Variants in ANKFN1 observed in about 807,000 individuals in gnomAD.
ANKFN1 encodes ankyrin repeat and fibronectin type III domain containing 1, also known as ankyrin repeat and fibronectin type-III domain-containing protein 1.
ANKFN1 carries 74 observed loss-of-function variants against 108.7 expected under a neutral mutation model. The observed-to-expected ratio is 0.68, with a 90% CI of 0.56 to 0.83. The LOEUF (loss-of-function observed/expected upper bound fraction) is 0.83. Ranked by LOEUF, ANKFN1 falls within the 40% of genes least tolerant of loss-of-function variation. ANKFN1 has a pLI of 0.00. For missense variants in ANKFN1, 1,505 were observed against 1,382.3 expected (o/e 1.09, Z -1.41); for synonymous variants, 547 against 516.2 (o/e 1.06, Z -0.81).
At chr17:56,234,604 T>G (rs1418335752) in intron 3 of ANKFN1, among the ~76,000 whole-genome samples, 4 of 152,128 alleles carry the variant, frequency 2.6e-5, no homozygotes, top group Non-Finnish European at 5.9e-5. Flanking sequence ...CATGCAGTAT[T>G]TGGTTTTCTG....
intron 1 of ANKFN1, among the ~76,000 whole-genome samples, chr17:56,154,124 G>A (rs752941897): frequency 3.3e-5 from 5 of 151,998 alleles, no homozygotes; most frequent in East Asian, 1.9e-4. Flanking sequence ...GGGTTGTGTC[G>A]GTGGTATCGG....
intron 3 of ANKFN1, among the ~76,000 whole-genome samples, chr17:56,268,833 C>T (rs2043720861): frequency 6.6e-6 from 1 of 152,066 alleles, no homozygotes; most frequent in Non-Finnish European, 1.5e-5. Context: ...TTCCCTCTTT[C>T]TCAGTCTGCA....
chr17:56,117,207 C>G (rs1280772606), intron 4 of ANKFN1, among the ~76,000 whole-genome samples: 1 of 152,134 alleles, frequency 6.6e-6, no homozygotes, highest in Non-Finnish European at 1.5e-5. Flanking sequence ...TCCCCAGAGC[C>G]TGAAGTGGGG....
intron 8 of ANKFN1, among the ~76,000 whole-genome samples, chr17:56,386,328 G>C (rs1332387040): frequency 6.6e-6 from 1 of 151,982 alleles, no homozygotes; most frequent in East Asian, 1.9e-4. Context: ...TTGTGGGGTG[G>C]GGGGAGCGGG....
intron 3 of ANKFN1, among the ~76,000 whole-genome samples, chr17:56,325,434 T>C (rs528270298): frequency 1.3e-3 from 204 of 152,306 alleles, no homozygotes; most frequent in African/African-American, 4.7e-3. Flanking sequence ...AGGAAATCTA[T>C]TTGTGTCTTT....
intron 4 of ANKFN1, among the ~76,000 whole-genome samples, chr17:56,066,383 G>T (rs2143124313): frequency 6.6e-6 from 1 of 152,306 alleles, no homozygotes; most frequent in African/African-American, 2.4e-5. Flanking sequence ...CTGAGCATTT[G>T]TAATGTGGCC....
At chr17:56,417,571 A>T (rs1357116907) in intron 8 of ANKFN1, among the ~76,000 whole-genome samples, 2 of 152,200 alleles carry the variant, frequency 1.3e-5, no homozygotes. Flanking sequence ...CCCGAGTTTA[A>T]GGCACTGTGC....
intron 9 of ANKFN1, among the ~76,000 whole-genome samples, chr17:56,442,164 GAA>G (rs1455022003): frequency 5.9e-5 from 9 of 152,054 alleles, no homozygotes; most frequent in African/African-American, 2.2e-4. Context: ...CTTTAAAATT[GAA>G]GTCACATCAA....
rs1266011010 is a variant in ANKFN1 at position 56,510,721 on chromosome 17, TCATGTGC to T, written c.2895_2901del (p.Cys966SerfsTer6). 2 of 1,535,810 alleles carry T rather than the reference TCATGTGC, an allele frequency of 1.3e-6. No individual in the cohort carries two copies. The highest frequency in any genetic ancestry group is 4.9e-5 in the East Asian group (2 of 40,882). ...GGGCGAGGGCCCAAATCCCGATCAC[TCATGTGC>T]CGAGTTTCTCCATAGCCTGACCCTC... is the stretch of plus-strand genomic sequence containing the variant. On this transcript the variant is annotated frameshift_variant, in exon 21 of 21. Coordinates refer to ENST00000682825, the MANE Select transcript of ANKFN1 (RefSeq NM_001370326.1). LOFTEE classifies it low-confidence loss of function (END_TRUNC).
rs761621139 is a variant in ANKFN1 at position 56,510,468 on chromosome 17, C to T, written c.2645-5C>T. On this transcript the variant is annotated splice_region_variant and splice_polypyrimidine_tract_variant and intron_variant, in intron 20 of 20. Transcript: ENST00000682825. ...TTTTCCTAACCTCAGTTTCTGGCTT[C>T]GCAGATTCACAGCCCTGCTCTGATG... 3 of 1,533,436 alleles carry T rather than the reference C, an allele frequency of 2.0e-6. No individual in the cohort carries two copies. Among genetic ancestry groups the T allele is most frequent in the South Asian group, 2.4e-5 (2 of 83,756 alleles). 95.0% of individuals were successfully genotyped at this position (1,533,436 alleles called of 1,614,324 possible).
At chr17:56,365,216 A>C (rs2046627502) in intron 6 of ANKFN1, among the ~76,000 whole-genome samples, 1 of 152,202 alleles carries the variant, frequency 6.6e-6, no homozygotes, top group Non-Finnish European at 1.5e-5. Context: ...GCCTTGAAAT[A>C]GCAGATGGGG....
intron 4 of ANKFN1, among the ~76,000 whole-genome samples, chr17:56,145,618 G>A (rs961850130): frequency 1.3e-5 from 2 of 152,080 alleles, no homozygotes; most frequent in African/African-American, 4.8e-5. Context: ...CCTCCACCTC[G>A]TCCCACCCTT....
chr17:56,113,916 G>C (rs1025858519), intron 4 of ANKFN1, among the ~76,000 whole-genome samples: 1 of 152,092 alleles, frequency 6.6e-6, no homozygotes, highest in Non-Finnish European at 1.5e-5. Flanking sequence ...TTAGCCAGAG[G>C]GGAATGATTA....
At chr17:56,055,572 T>TATATATATATATATATATATAC in intron 4 of ANKFN1, among the ~76,000 whole-genome samples, 1 of 101,734 alleles carries the variant, frequency 9.8e-6, no homozygotes, top group African/African-American at 5.7e-5. Context: ...TATACATATA[T>TATATATATATATATATATATAC]ATATATATAT....
chr17:56,438,737 G>A (rs116099455), intron 8 of ANKFN1, among the ~76,000 whole-genome samples: 3,284 of 152,194 alleles, frequency 0.022, 116 homozygotes, highest in African/African-American at 0.075. Context: ...AGGCACTCAA[G>A]TAGAGATTAA....
chr17:56,345,946 G>A (rs1254075664), intron 4 of ANKFN1, among the ~76,000 whole-genome samples: 2 of 151,984 alleles, frequency 1.3e-5, no homozygotes, highest in Non-Finnish European at 2.9e-5. Context: ...TCATGTTTTA[G>A]TCATGAAGTC....
intron 3 of ANKFN1, among the ~76,000 whole-genome samples, chr17:56,275,748 C>T (rs1777998979): frequency 1.3e-5 from 2 of 152,016 alleles, no homozygotes; most frequent in South Asian, 4.2e-4. Context: ...GACTTAGTAC[C>T]TAATGCAGGA....
At chr17:56,391,245 A>ATATATATATATATATATG (rs1567967057) in intron 8 of ANKFN1, among the ~76,000 whole-genome samples, 1 of 30,384 alleles carries the variant, frequency 3.3e-5, no homozygotes, top group African/African-American at 4.9e-5. Flanking sequence ...ATATATATAT[A>ATATATATATATATATATG]TATGTATGTG....
intron 4 of ANKFN1, among the ~76,000 whole-genome samples, chr17:56,119,032 G>C (rs1906444445): frequency 6.6e-6 from 1 of 152,016 alleles, no homozygotes; most frequent in African/African-American, 2.4e-5. Context: ...GTATAAGACA[G>C]AAAAAAATAT....
Sources: allele counts gnomAD v4.1 joint callset (sites outside exome capture counted in the v4.1 genomes callset), GRCh38; gene constraint gnomAD v4.1.1; transcripts MANE v1.5; gene names NCBI Gene and HGNC (gene_info 2026-07-23, HGNC 2026-07-21).